Variants in AHDC1 observed in about 807,000 individuals in gnomAD.
AHDC1 encodes the protein transcription factor Gibbin.
In AHDC1, 7 loss-of-function variants were observed where a neutral mutation model predicts 87.9. The ratio of observed to expected loss-of-function variants is 0.08; its 90% CI spans 0.05 to 0.15. The LOEUF is 0.15. AHDC1 is among the 10% of genes least tolerant of loss of function. The probability of loss-of-function intolerance (pLI) is 1.00; values close to 1 mark genes in which losing one functional copy is unlikely to be tolerated. For missense variants in AHDC1, 1,841 were observed against 2,253.2 expected, an observed-to-expected ratio of 0.82 and a Z score of 3.70; for synonymous variants, 1,051 against 1,006.8, an observed-to-expected ratio of 1.04 and a Z score of -0.83.
intron 5 of AHDC1, among the ~76,000 whole-genome samples, chr1:27,553,908 T>C (rs930970530): frequency 6.6e-6 from 1 of 151,828 alleles, no homozygotes; most frequent in Non-Finnish European, 1.5e-5. Context: ...CCTACAAAAA[T>C]TTAAAAATTA....
chr1:27,573,917 T>A (rs554144677), intron 3 of AHDC1, among the ~76,000 whole-genome samples: 4 of 152,330 alleles, frequency 2.6e-5, no homozygotes, highest in Admixed American at 2.0e-4. Flanking sequence ...AATGGGGCCT[T>A]GAGCTCCTTC....
intron 3 of AHDC1, among the ~76,000 whole-genome samples, chr1:27,589,755 C>T (rs912257854): frequency 6.6e-6 from 1 of 152,154 alleles, no homozygotes; most frequent in African/African-American, 2.4e-5. Flanking sequence ...GCAAGTTAAT[C>T]TCAGACTCTG....
Position 27,550,492 on chromosome 1 carries a change from T to C in AHDC1, c.1624A>G (p.Ile542Val). 6.2e-7 allele frequency: 1 copy of C among 1,607,084 alleles called. No individual in the cohort carries two copies. The highest frequency in any genetic ancestry group is 1.1e-5 in the South Asian group (1 of 90,814). The change falls in exon 8 of 9, where the codon ATT becomes GTT. Residue 542 changes from isoleucine (I) to valine (V), a missense_variant. By Grantham distance (29) the Ile-to-Val change is conservative (BLOSUM62 3). Coordinates refer to ENST00000673934, the MANE Select transcript of AHDC1 (RefSeq NM_001371928.1). The part of the protein sequence containing the change: ...VVFPPGEMPI[I>V]LKRKRGRPPK... ...GGGCGGCCGCGCTTACGTTTGAGAA[T>C]AATGGGCATCTCACCGGGTGGGAAG...
In AHDC1 at chr1:27,593,491, C is replaced by T. The variant is rs2089284746; in HGVS notation, c.-629+9906G>A. 6.6e-6 allele frequency among the ~76,000 whole-genome samples: 1 copy of T among 152,224 alleles called. No individual in the cohort carries two copies. The highest frequency in any genetic ancestry group is 1.5e-5 in the Non-Finnish European group (1 of 68,032). The stretch of plus-strand genomic sequence containing the variant: ...CCATTCTCAGGGCGTAGCCGTGTGT[C>T]CCTCAGAACCCTAAGACCCAGGCCC... On this transcript the variant is annotated intron_variant, in intron 3 of 8. Transcript: ENST00000673934. This position sits in a 1 kb window ranked among gnomAD's most constrained non-coding sequence, Gnocchi z 4.9.
At position 27,574,024 on chromosome 1, in the gene AHDC1, C is replaced by T. The variant is rs934216251; in HGVS notation, c.-628-15141G>A. Among the ~76,000 whole-genome samples the T allele has an allele frequency of 2.0e-4, 30 of 152,300 alleles. No individual in the cohort carries two copies. The East Asian group carries it at 5.4e-3, about 27-fold the overall frequency. ...GAGAGGTTGGGAGTTGACACAGGCC[C>T]AGGCCCAACATCCTGGGCTAAGGAG... On this transcript the variant is annotated intron_variant, in intron 3 of 8. Transcript: ENST00000673934.
intron 8 of AHDC1, among the ~76,000 whole-genome samples, chr1:27,536,728 C>G (rs1298552494): frequency 2.6e-5 from 4 of 152,084 alleles, no homozygotes; most frequent in Non-Finnish European, 5.9e-5. Context: ...TTGGGGGTGA[C>G]AAGGGAAGGG....
At chr1:27,554,082 TAA>T (rs1364976233) in intron 5 of AHDC1, among the ~76,000 whole-genome samples, 2 of 152,088 alleles carry the variant, frequency 1.3e-5, no homozygotes, top group African/African-American at 4.8e-5. Flanking sequence ...AACATTAAAT[TAA>T]AAAAGTTTGT....
In AHDC1 at chr1:27,563,766, C is replaced by T. The variant is rs1292179119; in HGVS notation, c.-628-4883G>A. Among the ~76,000 whole-genome samples, 1 of 152,150 alleles carries T rather than the reference C, an allele frequency of 6.6e-6. No homozygotes were observed. Among genetic ancestry groups the T allele is most frequent in the Non-Finnish European group, 1.5e-5 (1 of 68,016 alleles). ...CCAGGAGGGGAGGTGCTGTGGCTTC[C>T]CGCCCAGTGGCGGGTGCTGGGGGAG... On this transcript the variant is annotated intron_variant, in intron 3 of 8. Transcript: ENST00000673934. This position sits in a 1 kb window ranked among gnomAD's most constrained non-coding sequence, Gnocchi z 6.1.
At chr1:27,568,802 G>A (rs1359686121) in intron 3 of AHDC1, among the ~76,000 whole-genome samples, 1 of 151,946 alleles carries the variant, frequency 6.6e-6, no homozygotes, top group Non-Finnish European at 1.5e-5. Context: ...CGTGGGCGGG[G>A]AGCTGGGCGC....
At chr1:27,576,281 T>G (rs2088746276) in intron 3 of AHDC1, among the ~76,000 whole-genome samples, 1 of 152,180 alleles carries the variant, frequency 6.6e-6, no homozygotes, top group Non-Finnish European at 1.5e-5. Flanking sequence ...GTGCCTCTCC[T>G]TGGGCAAAAC....
chr1:27,589,200 C>G (rs1385362873), intron 3 of AHDC1, among the ~76,000 whole-genome samples: 1 of 152,106 alleles, frequency 6.6e-6, no homozygotes, highest in African/African-American at 2.4e-5. Flanking sequence ...TTACCATGTC[C>G]CTAGGCAGGG....
Position 27,549,725 on chromosome 1 carries a change from C to G in AHDC1, c.2391G>C (p.Glu797Asp). 6.2e-7 allele frequency: 1 copy of G among 1,612,932 alleles called. No individual in the cohort carries two copies. The highest frequency in any genetic ancestry group is 8.5e-7 in the Non-Finnish European group (1 of 1,179,980). ...GCCCAGTGGAGGCAAAGGCCCGGGC[C>G]TCGGTCCCCTGAAACCCACAGTTTC... The part of the protein sequence containing the change: ...AGRNCGFQGT[E>D]ARAFASTGLE... The change falls in exon 8 of 9, where the codon GAG becomes GAC. Residue 797 changes from glutamate to aspartate, a missense_variant. By Grantham distance (45) the Glu-to-Asp change is conservative. Around this residue, in one of 13 missense-constraint regions of AHDC1, gnomAD observed 236 missense variants for 257.9 expected, o/e 0.92. Transcript: ENST00000673934.
chr1:27,559,628 A>C (rs865956375), intron 3 of AHDC1, among the ~76,000 whole-genome samples: 4 of 152,258 alleles, frequency 2.6e-5, no homozygotes, highest in Non-Finnish European at 5.9e-5. Context: ...CAGGTTACTG[A>C]CAATGCAGAT....
At chr1:27,585,332 C>T (rs893149773) in intron 3 of AHDC1, among the ~76,000 whole-genome samples, 2 of 150,766 alleles carry the variant, frequency 1.3e-5, no homozygotes, top group Non-Finnish European at 2.9e-5. Flanking sequence ...GTTCAAAGGG[C>T]GGCTCCACCA....
At chr1:27,576,558 AC>A (rs2088756598) in intron 3 of AHDC1, among the ~76,000 whole-genome samples, 1 of 152,196 alleles carries the variant, frequency 6.6e-6, no homozygotes, top group Non-Finnish European at 1.5e-5. Flanking sequence ...AGGTTAAGTG[AC>A]CCACCAAAGG....
At chr1:27,554,369 G>A (rs948308644) in intron 5 of AHDC1, among the ~76,000 whole-genome samples, 4 of 152,130 alleles carry the variant, frequency 2.6e-5, no homozygotes, top group Non-Finnish European at 4.4e-5. Context: ...AATTACTTGC[G>A]TGACTGGCTG....
intron 8 of AHDC1, among the ~76,000 whole-genome samples, chr1:27,535,414 T>C (rs542949987): frequency 6.6e-6 from 1 of 152,246 alleles, no homozygotes; most frequent in Admixed American, 6.5e-5. Context: ...TACTGATTAT[T>C]ATTCATTATT....
intron 3 of AHDC1, among the ~76,000 whole-genome samples, chr1:27,573,202 G>A (rs1312484791): frequency 1.3e-5 from 2 of 152,122 alleles, no homozygotes; most frequent in Non-Finnish European, 2.9e-5. Context: ...TATCTCCTAG[G>A]ACACATCAGT....
chr1:27,567,687 C>T (rs1379545738), intron 3 of AHDC1, among the ~76,000 whole-genome samples: 1 of 152,192 alleles, frequency 6.6e-6, no homozygotes, highest in African/African-American at 2.4e-5. Flanking sequence ...CAAGCTAAAT[C>T]ATTATGTCCC....
Sources: allele counts gnomAD v4.1 joint callset (sites outside exome capture counted in the v4.1 genomes callset), GRCh38; gene constraint gnomAD v4.1.1; regional missense constraint gnomAD v4.1.1; non-coding constraint Gnocchi (gnomAD v3.1); transcripts MANE v1.5; gene names NCBI Gene and HGNC (gene_info 2026-07-23, HGNC 2026-07-21).